RTN4: variants seen among roughly 807,000 people sequenced by gnomAD.
RTN4 encodes reticulon-4.
In RTN4, 32 loss-of-function variants were observed where a neutral mutation model predicts 90.4. The observed-to-expected ratio is 0.35, with a 90% confidence interval of 0.27 to 0.48. RTN4 has a LOEUF of 0.48. Ranked by LOEUF, RTN4 falls within the 20% of genes least tolerant of loss-of-function variation. RTN4 has a pLI of 0.99. For missense variants in RTN4, 1,706 were observed against 1,430.2 expected, an observed-to-expected ratio of 1.19 and a Z score of -3.11; for synonymous variants, 629 against 552.5, an observed-to-expected ratio of 1.14 and a Z score of -1.94.
chr2:55,014,612 G>A (rs1468863933), intron 3 of RTN4: 1 of 152,050 alleles, frequency 6.6e-6, no homozygotes, highest in Non-Finnish European at 1.5e-5. Context: ...CCACCTCCCG[G>A]GTTCAAGTGA....
chr2:55,114,877 C>T (rs1049466020), upstream of RTN4, among the ~76,000 whole-genome samples: 21 of 152,048 alleles, frequency 1.4e-4, no homozygotes, highest in African/African-American at 4.8e-4. Context: ...TTGTCAGTCC[C>T]AGGTTCACTA....
chr2:55,109,438 C>T (rs1023022097), intron 1 of RTN4, among the ~76,000 whole-genome samples: 2 of 152,140 alleles, frequency 1.3e-5, no homozygotes, highest in Admixed American at 1.3e-4. Flanking sequence ...ATACTCCTTC[C>T]ACTCTATAGA....
At chr2:55,134,644 G>A in the RTN4 span, among the ~76,000 whole-genome samples, 5 of 152,200 alleles carry the variant, frequency 3.3e-5, no homozygotes, top group Admixed American at 3.3e-4. Context: ...TGAGGAAGAA[G>A]AAAGGGTGGG....
chr2:55,047,231 G>C (rs976588347), intron 1 of RTN4, among the ~76,000 whole-genome samples: 8 of 151,740 alleles, frequency 5.3e-5, no homozygotes, highest in African/African-American at 1.9e-4. Flanking sequence ...TCGGGAGGCT[G>C]AGGCAGGAGA....
rs541725562 is a variant in RTN4 at position 55,112,115 on chromosome 2, T to TG, written c.-214+404dup. On this transcript the variant is annotated intron_variant, in intron 1 of 3. Coordinates refer to the RTN4 transcript ENST00000427710. ...GGCTTTGTGAGGAGCTCAGAGGCTC[T>TG]GAGAGGCCCCCTGTGGGGGAGCGTG... Among the ~76,000 whole-genome samples the TG allele has an allele frequency of 4.5e-3, 693 of 152,322 alleles. 7 individuals are homozygous for TG. Among genetic ancestry groups the TG allele is most frequent in the Middle Eastern group, 0.024 (7 of 294 alleles).
At chr2:55,120,789 CTG>C in the RTN4 span, among the ~76,000 whole-genome samples, 1 of 152,028 alleles carries the variant, frequency 6.6e-6, no homozygotes, top group Non-Finnish European at 1.5e-5. Context: ...CTGTCAGCAG[CTG>C]TTGGGTGGAA....
At chr2:55,036,399 T>G (rs1042457537) in intron 1 of RTN4, among the ~76,000 whole-genome samples, 4 of 151,778 alleles carry the variant, frequency 2.6e-5, no homozygotes, top group Admixed American at 6.6e-5. Flanking sequence ...GCCAAGAGTT[T>G]GAGACCAGCC....
At chr2:54,984,302 G>C (rs1293182207) in intron 4 of RTN4, among the ~76,000 whole-genome samples, 1 of 152,048 alleles carries the variant, frequency 6.6e-6, no homozygotes, top group Admixed American at 6.6e-5. Context: ...TTTCCTACTA[G>C]AGTATAAGCT....
rs190077143 is a variant in RTN4 at position 55,011,723 on chromosome 2, T to C, written c.3013+13363A>G. On this transcript the variant is annotated intron_variant, in intron 3 of 8. Transcript: ENST00000337526. ...AAACAAAACATGTAAGACTTAAACA[T>C]AGAAAGAACTAAAATTAGGAAAATG... Among the ~76,000 whole-genome samples the C allele has an allele frequency of 6.1e-3, 928 of 152,134 alleles. 4 individuals are homozygous for C. Among genetic ancestry groups the C allele is most frequent in the Non-Finnish European group, 0.011 (715 of 67,988 alleles).
intron 2 of RTN4, among the ~76,000 whole-genome samples, chr2:55,060,260 T>C (rs1668266084): frequency 6.6e-6 from 1 of 152,236 alleles, no homozygotes; most frequent in Non-Finnish European, 1.5e-5. Context: ...CATGGGGCAA[T>C]ACAGTTAACA....
At position 54,987,540 on chromosome 2, in the gene RTN4, T is replaced by C. The variant is rs1442285911; in HGVS notation, c.3172A>G (p.Lys1058Glu). The change falls in exon 4 of 9, where the codon AAG becomes GAG. Residue 1058 changes from lysine (K) to glutamate (E), a missense_variant. Physicochemically the swap from Lys to Glu is moderately conservative, Grantham distance 56. Transcript: ENST00000337526. ...LSVTISFRIY[K>E]GVIQAIQKSD... ...TTCTGGATAGCTTGGATCACACCCT[T>C]GTATATCCTAAAGCTGATGGTCACA... 1 of 1,614,024 alleles carries C rather than the reference T, an allele frequency of 6.2e-7. No homozygotes were observed. The highest frequency in any genetic ancestry group is 1.7e-5 in the Admixed American group (1 of 60,006).
chr2:55,066,175 GTGTGTGTGTGTGTGTGTT>G (rs1262056924), intron 2 of RTN4, among the ~76,000 whole-genome samples: 4 of 104,470 alleles, frequency 3.8e-5, no homozygotes, highest in African/African-American at 1.4e-4. Flanking sequence ...CCATTTGTGT[GTGTGTGTGTGTGTGTGTT>G]TGTGTGTGTG....
At chr2:55,032,444 G>T (rs1267934121) in intron 1 of RTN4, among the ~76,000 whole-genome samples, 1 of 151,852 alleles carries the variant, frequency 6.6e-6, no homozygotes, top group Non-Finnish European at 1.5e-5. Flanking sequence ...GAAAAAGACA[G>T]ACATATAGAG....
chr2:55,066,169 T>TTGTGTGTGTGTG (rs71410416), intron 2 of RTN4, among the ~76,000 whole-genome samples: 3 of 142,278 alleles, frequency 2.1e-5, no homozygotes, highest in Non-Finnish European at 4.6e-5. Flanking sequence ...ATGAACCCAT[T>TTGTGTGTGTGTG]TGTGTGTGTG....
At chr2:55,119,352 C>G in the RTN4 span, among the ~76,000 whole-genome samples, 57 of 152,118 alleles carry the variant, frequency 3.7e-4, no homozygotes, top group Middle Eastern at 0.014. Flanking sequence ...ACCAGGCTGA[C>G]GATGGATAGG....
the RTN4 span, among the ~76,000 whole-genome samples, chr2:55,134,055 T>G: frequency 6.6e-6 from 1 of 152,148 alleles, no homozygotes; most frequent in South Asian, 2.1e-4. Context: ...AACTGAGGGT[T>G]CCTCTCCCTT....
chr2:55,103,109 G>A (rs1194744283), intron 1 of RTN4, among the ~76,000 whole-genome samples: 87 of 110,460 alleles, frequency 7.9e-4, no homozygotes, highest in East Asian at 2.8e-3. Context: ...CAAAACTCCG[G>A]AAAAAAAAAA....
intron 3 of RTN4, among the ~76,000 whole-genome samples, chr2:55,020,432 A>G (rs1158761357): frequency 5.3e-5 from 8 of 151,888 alleles, no homozygotes; most frequent in Non-Finnish European, 1.2e-4. Context: ...AAAAAAAAAA[A>G]TGCCAAGAAC....
Position 54,973,633 on chromosome 2 carries a change from GTA to G in RTN4, c.3478-14_3478-13del, listed in dbSNP as rs1473034712. On this transcript the variant is annotated splice_polypyrimidine_tract_variant and intron_variant, in intron 7 of 8. Coordinates refer to ENST00000337526, the MANE Select transcript of RTN4 (RefSeq NM_020532.5). ...TGATCTATCTGTGCCTGAAAGAGAG[GTA>G]TAAAGGAATTATTACCGTTGCTAAA... The G allele has an allele frequency of 3.1e-6, 5 of 1,602,502 alleles. No homozygotes were observed. Among genetic ancestry groups the G allele is most frequent in the African/African-American group, 1.3e-5 (1 of 74,592 alleles).
Sources: gnomAD v4.1 joint callset for allele counts (sites outside exome capture counted in the v4.1 genomes callset) on GRCh38, gnomAD v4.1.1 for gene constraint, MANE v1.5 for transcripts, NCBI Gene and HGNC (gene_info 2026-07-23, HGNC 2026-07-21) for gene names.